Variants in SEL1L3 observed in about 807,000 individuals in gnomAD.
The protein encoded by SEL1L3 is SEL1L family member 3.
In SEL1L3, 76 loss-of-function variants were observed where a neutral mutation model predicts 142.8. The ratio of observed to expected loss-of-function variants is 0.53; its 90% CI spans 0.44 to 0.64. The LOEUF (loss-of-function observed/expected upper bound fraction) is 0.64. Ranked by LOEUF, SEL1L3 falls within the 30% of genes least tolerant of loss-of-function variation. The pLI, the probability that SEL1L3 is intolerant of heterozygous loss-of-function variation, is 0.00. For missense variants in SEL1L3, 1,262 were observed against 1,381.7 expected (o/e 0.91, Z 1.37); for synonymous variants, 504 against 519.6 (o/e 0.97, Z 0.41).
At chr4:25,862,318 G>A (rs1224089932) in intron 1 of SEL1L3, among the ~76,000 whole-genome samples, 1 of 151,396 alleles carries the variant, frequency 6.6e-6, no homozygotes, top group Non-Finnish European at 1.5e-5. Flanking sequence ...GGGGTTGGGG[G>A]GTGCTGGAGA....
the SEL1L3 span, among the ~76,000 whole-genome samples, chr4:25,730,018 G>A: frequency 6.6e-6 from 1 of 151,480 alleles, no homozygotes; most frequent in Non-Finnish European, 1.5e-5. Flanking sequence ...GAGTGCAGTG[G>A]CATAATCTTG....
chr4:25,760,637 T>G (rs564110753), intron 20 of SEL1L3, among the ~76,000 whole-genome samples: 1 of 152,306 alleles, frequency 6.6e-6, no homozygotes, highest in Non-Finnish European at 1.5e-5. Flanking sequence ...TGTGCTTCCC[T>G]TATGACACGA....
intron 14 of SEL1L3, among the ~76,000 whole-genome samples, chr4:25,783,073 T>C (rs556700389): frequency 1.2e-4 from 18 of 152,344 alleles, no homozygotes; most frequent in African/African-American, 3.1e-4. Context: ...TCTGTTAAAA[T>C]TGATACAGAA....
At chr4:25,839,328 A>T (rs1292555171) in intron 2 of SEL1L3, among the ~76,000 whole-genome samples, 1 of 152,206 alleles carries the variant, frequency 6.6e-6, no homozygotes, top group Non-Finnish European at 1.5e-5. Context: ...TAAGAATAAA[A>T]CCAGTTCTAC....
chr4:25,771,152 C>G (rs1719157479), intron 17 of SEL1L3, among the ~76,000 whole-genome samples: 1 of 152,216 alleles, frequency 6.6e-6, no homozygotes, highest in African/African-American at 2.4e-5. Context: ...ATTCATAGAA[C>G]AAACATTTAC....
intron 15 of SEL1L3, among the ~76,000 whole-genome samples, chr4:25,780,388 C>T (rs1423870647): frequency 6.6e-6 from 1 of 152,106 alleles, no homozygotes; most frequent in Non-Finnish European, 1.5e-5. Context: ...TTGAACATTG[C>T]CCAGTGGTTT....
At chr4:25,761,404 C>G (rs904113244) in intron 20 of SEL1L3, among the ~76,000 whole-genome samples, 2 of 152,146 alleles carry the variant, frequency 1.3e-5, no homozygotes, top group Non-Finnish European at 2.9e-5. Flanking sequence ...AATCCGCCCA[C>G]CTTGGCCTCC....
intron 1 of SEL1L3, among the ~76,000 whole-genome samples, chr4:25,858,451 G>A (rs949991176): frequency 1.3e-5 from 2 of 152,236 alleles, no homozygotes; most frequent in Non-Finnish European, 2.9e-5. Context: ...GGATGACCGA[G>A]GGTGTGTGGC....
chr4:25,820,035 T>C (rs1311400897), intron 7 of SEL1L3, 95 bp from the exon 8 acceptor site: 3 of 1,223,066 alleles, frequency 2.5e-6, no homozygotes, highest in Non-Finnish European at 3.5e-6. Flanking sequence ...TGTTCTCCCA[T>C]TGACATCTCC....
At chr4:25,861,722 T>C (rs770717904) in intron 1 of SEL1L3, 6 of 151,796 alleles carry the variant, frequency 4.0e-5, no homozygotes, top group Non-Finnish European at 7.4e-5. Context: ...CAGTAATATA[T>C]GGCGAGATAA....
At position 25,788,157 on chromosome 4, in the gene SEL1L3, C is replaced by A; in HGVS notation, c.2217+67G>T. Reference sequence around the variant, plus strand: ...ATCGACTCCCTGTTTGCCAGCCCGCCCACAGGAAACTGCTCAGGAGTCTGA... The same window carrying A: ...ATCGACTCCCTGTTTGCCAGCCCGCACACAGGAAACTGCTCAGGAGTCTGA... On this transcript the variant is annotated intron_variant, in intron 13 of 23. Coordinates refer to ENST00000399878, the MANE Select transcript of SEL1L3 (RefSeq NM_015187.5). This position sits in a 1 kb window ranked among gnomAD's most constrained non-coding sequence, Gnocchi z 5.3. 1 of 1,537,756 alleles carries A rather than the reference C, an allele frequency of 6.5e-7. No individual in the cohort carries two copies. The highest frequency in any genetic ancestry group is 8.9e-7 in the Non-Finnish European group (1 of 1,126,232).
intron 3 of SEL1L3, 51 bp from the exon 4 acceptor site, chr4:25,833,620 C>G (rs771062168): frequency 3.3e-6 from 5 of 1,520,184 alleles, no homozygotes; most frequent in Non-Finnish European, 4.4e-6. Flanking sequence ...CATCCAAGAA[C>G]AGGTAATTAT....
chr4:25,808,316 CACT>C (rs1440110614), intron 9 of SEL1L3, among the ~76,000 whole-genome samples: 1 of 152,194 alleles, frequency 6.6e-6, no homozygotes, highest in Non-Finnish European at 1.5e-5. Context: ...CCACCACCAC[CACT>C]AATTACCCCT....
At chr4:25,787,127 C>G in intron 13 of SEL1L3, among the ~76,000 whole-genome samples, 1 of 152,214 alleles carries the variant, frequency 6.6e-6, no homozygotes, top group East Asian at 1.9e-4. Context: ...TTTCCTAGAT[C>G]CCAGTCCCAG....
At chr4:25,823,139 G>T (rs992004425) in intron 6 of SEL1L3, among the ~76,000 whole-genome samples, 1 of 152,142 alleles carries the variant, frequency 6.6e-6, no homozygotes, top group East Asian at 1.9e-4. Flanking sequence ...AGTGCATGAG[G>T]GTAGGCTTGG....
chr4:25,744,862 G>A (rs1337987364), downstream of SEL1L3, among the ~76,000 whole-genome samples: 1 of 152,186 alleles, frequency 6.6e-6, no homozygotes, highest in Admixed American at 6.5e-5. Flanking sequence ...TACAAGCCAA[G>A]GAGAGAGGAC....
At chr4:25,724,578 A>G in the SEL1L3 span, among the ~76,000 whole-genome samples, 1 of 151,710 alleles carries the variant, frequency 6.6e-6, no homozygotes, top group Non-Finnish European at 1.5e-5. Flanking sequence ...TCTCTACTAA[A>G]AATACAAAAA....
intron 20 of SEL1L3, chr4:25,759,510 C>A (rs1006396845): frequency 1.2e-5 from 2 of 160,290 alleles, no homozygotes; most frequent in African/African-American, 4.8e-5. Flanking sequence ...GACTGACAAC[C>A]CAAGGCGGTG....
At chr4:25,814,938 C>A (rs1480995284) in intron 9 of SEL1L3, among the ~76,000 whole-genome samples, 3 of 152,096 alleles carry the variant, frequency 2.0e-5, no homozygotes, top group Non-Finnish European at 4.4e-5. Flanking sequence ...GGAGTGTATG[C>A]CCCACCTCTG....
Sources: gnomAD v4.1 joint callset for allele counts (sites outside exome capture counted in the v4.1 genomes callset) on GRCh38, gnomAD v4.1.1 for gene constraint, Gnocchi (gnomAD v3.1) non-coding constraint, MANE v1.5 for transcripts, NCBI Gene and HGNC (gene_info 2026-07-23, HGNC 2026-07-21) for gene names.